Variants in TMEM236 observed in about 807,000 individuals in gnomAD.
TMEM236 encodes family with sequence similarity 23, member A.
Under a neutral mutation model 14.7 loss-of-function variants are expected in TMEM236, and 11 were observed. The observed-to-expected ratio is 0.75, with a 90% CI of 0.47 to 1.24. The LOEUF (loss-of-function observed/expected upper bound fraction) is 1.24, where lower values mean the gene tolerates loss of function less well. Among genes scored for constraint, TMEM236 ranks in the 50% most tolerant of loss-of-function variants. The pLI, the probability that TMEM236 is intolerant of heterozygous loss-of-function variation, is 0.00. For missense variants in TMEM236, 464 were observed against 427.3 expected (o/e 1.09, Z -0.76); for synonymous variants, 182 against 168.6 (o/e 1.08, Z -0.62).
chr10:17,770,046 C>T (rs1837542898), intron 1 of TMEM236, among the ~76,000 whole-genome samples: 1 of 152,072 alleles, frequency 6.6e-6, no homozygotes, highest in African/African-American at 2.4e-5. Flanking sequence ...TCCATGAGTA[C>T]CCAACGTTTA....
At chr10:17,753,927 G>T (rs1837245727) in intron 1 of TMEM236, among the ~76,000 whole-genome samples, 1 of 152,206 alleles carries the variant, frequency 6.6e-6, no homozygotes, top group Non-Finnish European at 1.5e-5. Flanking sequence ...TGTGAGCAGA[G>T]CGTAAGGATA....
chr10:17,765,648 G>T (rs1318679873), intron 1 of TMEM236, among the ~76,000 whole-genome samples: 4 of 152,296 alleles, frequency 2.6e-5, no homozygotes, highest in Admixed American at 2.0e-4. Context: ...TCCCATGCAA[G>T]TTCAAAAGCT....
chr10:17,798,630 G>A lies in TMEM236; in HGVS notation c.*2126G>A, dbSNP rs967929736. 1 of 528,198 alleles carries A rather than the reference G, an allele frequency of 1.9e-6. No individual in the cohort carries two copies. The highest frequency in any genetic ancestry group is 1.9e-5 in the African/African-American group (1 of 51,442). The allele number at this position is 528,198 out of a possible 1,614,324, so 32.7% of individuals were successfully genotyped here. The stretch of plus-strand genomic sequence containing the variant: ...CCTGTCTCCCTTTCCCTCTGTTTTA[G>A]GATTTTTCTCACACTGTAAAAGAAG... On this transcript the variant is annotated 3_prime_UTR_variant, in exon 4 of 4. Coordinates refer to ENST00000377495, the MANE Select transcript of TMEM236 (RefSeq NM_001098844.3).
intron 3 of TMEM236, among the ~76,000 whole-genome samples, chr10:17,788,008 C>A (rs1002865035): frequency 9.2e-5 from 14 of 151,814 alleles, no homozygotes; most frequent in Non-Finnish European, 1.5e-4. Context: ...ACTATATGCA[C>A]CTTGACATTC....
chr10:17,761,913 G>C (rs1837371026), intron 1 of TMEM236, among the ~76,000 whole-genome samples: 1 of 152,052 alleles, frequency 6.6e-6, no homozygotes, highest in African/African-American at 2.4e-5. Context: ...TCGTAGAACA[G>C]CCTTCTTTAT....
At chr10:17,760,847 C>T (rs1407780197) in intron 1 of TMEM236, among the ~76,000 whole-genome samples, 2 of 152,252 alleles carry the variant, frequency 1.3e-5, no homozygotes, top group East Asian at 3.9e-4. Flanking sequence ...TTTATAAAAC[C>T]ATCAGATCCG....
Position 17,796,692 on chromosome 10 carries a change from G to C in TMEM236, c.*188G>C. ...CATATACAAATGGTGCTAAATTTAA[G>C]TAAAGTAATATTCTTATAAGTTGGC... On this transcript the variant is annotated 3_prime_UTR_variant, in exon 4 of 4. Transcript: ENST00000377495. The C allele has an allele frequency of 1.6e-6, 1 of 607,510 alleles. No individual in the cohort carries two copies. Among genetic ancestry groups the C allele is most frequent in the Non-Finnish European group, 2.9e-6 (1 of 348,044 alleles). 37.6% of individuals were successfully genotyped at this position (607,510 alleles called of 1,614,324 possible). A position where few individuals can be genotyped will look rare whatever the true frequency, so the allele number is the denominator to read the frequency against.
intron 1 of TMEM236, among the ~76,000 whole-genome samples, chr10:17,769,282 G>A (rs2131747530): frequency 6.6e-6 from 1 of 152,300 alleles, no homozygotes; most frequent in South Asian, 2.1e-4. Context: ...AATCAGACAG[G>A]ATTAGATGAT....
chr10:17,759,291 T>C (rs899523974), intron 1 of TMEM236, among the ~76,000 whole-genome samples: 16 of 152,304 alleles, frequency 1.1e-4, no homozygotes, highest in East Asian at 7.7e-4. Context: ...CAGATCTTCA[T>C]TGAGAAGGTA....
intron 3 of TMEM236, among the ~76,000 whole-genome samples, chr10:17,781,334 C>A (rs1223206133): frequency 6.6e-6 from 1 of 152,190 alleles, no homozygotes; most frequent in Non-Finnish European, 1.5e-5. Flanking sequence ...GGATTTCACA[C>A]CTTGAATCAA....
At chr10:17,755,140 A>G (rs1275056887) in intron 1 of TMEM236, among the ~76,000 whole-genome samples, 1 of 149,736 alleles carries the variant, frequency 6.7e-6, no homozygotes, top group African/African-American at 2.5e-5. Context: ...TAATAGAGAC[A>G]GGGTTTCTTC....
chr10:17,756,763 A>G (rs1837290629), intron 1 of TMEM236, among the ~76,000 whole-genome samples: 1 of 152,204 alleles, frequency 6.6e-6, no homozygotes, highest in Non-Finnish European at 1.5e-5. Context: ...CACTGTCCCA[A>G]ACTGCCTCTT....
intron 3 of TMEM236, among the ~76,000 whole-genome samples, chr10:17,779,392 G>T (rs1346436698): frequency 6.6e-6 from 1 of 151,960 alleles, no homozygotes; most frequent in African/African-American, 2.4e-5. Flanking sequence ...TCTTGGTGGG[G>T]TACACACTGG....
rs1338372933 is a variant in TMEM236, at chr10:17,752,512, C to G, written c.217C>G (p.Leu73Val). ...GATCTGGGTTCCTGTAAAAGTTATC[C>G]TGCACAAGAAACGTTATATTTACAG... is the stretch of plus-strand genomic sequence containing the variant. ...LLIWVPVKVILHKKRYIYRKI... is the reference protein window; with the variant it reads ...LLIWVPVKVIVHKKRYIYRKI... Residue 73 changes from leucine (L) to valine (V), a missense_variant, in exon 1 of 4, where the codon CTG (leucine) becomes GTG (valine). Coordinates refer to ENST00000377495, the MANE Select transcript of TMEM236 (RefSeq NM_001098844.3). 3 of 1,613,770 alleles carry G rather than the reference C, an allele frequency of 1.9e-6. No individual in the cohort carries two copies. The highest frequency in any genetic ancestry group is 2.7e-5 in the African/African-American group (2 of 74,900).
chr10:17,768,673 A>G (rs1181323533), intron 1 of TMEM236, among the ~76,000 whole-genome samples: 2 of 152,070 alleles, frequency 1.3e-5, no homozygotes, highest in Admixed American at 1.3e-4. Flanking sequence ...ATGACAAACA[A>G]TAAACAAAGA....
intron 3 of TMEM236, among the ~76,000 whole-genome samples, chr10:17,794,770 G>T (rs886891982): frequency 6.6e-5 from 10 of 152,144 alleles, no homozygotes; most frequent in Non-Finnish European, 2.9e-5. Context: ...AGGCACTGTG[G>T]CTCACACCTA....
Position 17,798,533 on chromosome 10 carries a change from A to G in TMEM236, c.*2029A>G, listed in dbSNP as rs1838050528. 1 of 534,006 alleles carries G rather than the reference A, an allele frequency of 1.9e-6. No homozygotes were observed. Among genetic ancestry groups the G allele is most frequent in the Non-Finnish European group, 3.8e-6 (1 of 259,798 alleles). The allele number at this position is 534,006 out of a possible 1,614,324, so 33.1% of individuals were successfully genotyped here. On this transcript the variant is annotated 3_prime_UTR_variant, in exon 4 of 4. Transcript: ENST00000377495. ...CAGACTGGGCAACAGAGTGACACCC[A>G]TCTAAAAAAAATAAAAGAGAATTTG...
At position 17,798,376 on chromosome 10, in the gene TMEM236, A is replaced by C. The variant is rs1204042633; in HGVS notation, c.*1872A>C. Reference sequence around the variant, plus strand: ...CAACATGGAGAGATTCTACCTCTACAAAAAATACAAAAATTAGCTGGGCAT... The same window carrying C: ...CAACATGGAGAGATTCTACCTCTACCAAAAATACAAAAATTAGCTGGGCAT... On this transcript the variant is annotated 3_prime_UTR_variant, in exon 4 of 4. Transcript: ENST00000377495. The C allele has an allele frequency of 2.8e-6, 1 of 358,382 alleles. No individual in the cohort carries two copies. The highest frequency in any genetic ancestry group is 2.1e-5 in the African/African-American group (1 of 46,616). The allele number at this position is 358,382 out of a possible 1,614,324, so 22.2% of individuals were successfully genotyped here. A position where few individuals can be genotyped will look rare whatever the true frequency, so the allele number is the denominator to read the frequency against.
chr10:17,752,557 G>A lies in TMEM236; in HGVS notation c.257+5G>A. The A allele has an allele frequency of 8.1e-6, 13 of 1,613,054 alleles. No individual in the cohort carries two copies. The highest frequency in any genetic ancestry group is 1.1e-5 in the Non-Finnish European group (13 of 1,179,190). On this transcript the variant is annotated splice_donor_5th_base_variant and intron_variant, in intron 1 of 3. Coordinates refer to ENST00000377495, the MANE Select transcript of TMEM236 (RefSeq NM_001098844.3). ...TTACAGAAAAATTAAAGGATGGTAA[G>A]TAAAAGAATTTTCTTTTTTTTCTTT...
Sources: allele counts gnomAD v4.1 joint callset (sites outside exome capture counted in the v4.1 genomes callset), GRCh38; gene constraint gnomAD v4.1.1; transcripts MANE v1.5; gene names NCBI Gene and HGNC (gene_info 2026-07-23, HGNC 2026-07-21).